Variants in RANBP2 observed in about 807,000 individuals in gnomAD.
RANBP2 encodes E3 SUMO-protein ligase RanBP2.
In RANBP2, 57 loss-of-function variants were observed where a neutral mutation model predicts 303.6. That is an observed-to-expected ratio of 0.19 (90% CI 0.15 to 0.23). The LOEUF is 0.23. RANBP2 is among the 10% of genes least tolerant of loss of function. The pLI is 1.00. For synonymous variants in RANBP2, 1,167 were observed against 1,301.5 expected (o/e 0.90, Z 2.23); for missense variants, 3,138 against 3,780.8 (o/e 0.83, Z 4.46).
chr2:109,678,032 G>A, the RANBP2 span, among the ~76,000 whole-genome samples: 1 of 152,182 alleles, frequency 6.6e-6, no homozygotes. Flanking sequence ...CCGCAGCAGG[G>A]GGGTCGCACC....
the RANBP2 span, among the ~76,000 whole-genome samples, chr2:109,457,583 G>A: frequency 3.7e-4 from 57 of 152,356 alleles, no homozygotes; most frequent in South Asian, 4.1e-4. Context: ...CAAGCGATGC[G>A]TGTGACAGTG....
At chr2:109,529,143 C>T in the RANBP2 span, among the ~76,000 whole-genome samples, 1 of 152,198 alleles carries the variant, frequency 6.6e-6, no homozygotes, top group Non-Finnish European at 1.5e-5. Context: ...GCAGGTGAGT[C>T]CTGCCACTCC....
the RANBP2 span, among the ~76,000 whole-genome samples, chr2:109,402,170 G>A: frequency 2.0e-5 from 3 of 152,216 alleles, no homozygotes; most frequent in East Asian, 1.9e-4. Flanking sequence ...AAGCCCTCCC[G>A]GTCTGCCCCT....
chr2:109,081,776 C>A, the RANBP2 span, among the ~76,000 whole-genome samples: 1 of 152,328 alleles, frequency 6.6e-6, no homozygotes, highest in South Asian at 2.1e-4. Context: ...GCCAGGGAGC[C>A]CTTTTTGCAA....
At chr2:109,624,581 C>T in the RANBP2 span, among the ~76,000 whole-genome samples, 28 of 152,250 alleles carry the variant, frequency 1.8e-4, no homozygotes, top group African/African-American at 6.5e-4. Context: ...GTGGTCTGAT[C>T]GTACCAAGTG....
chr2:108,825,951 C>CA, the RANBP2 span, among the ~76,000 whole-genome samples: 3 of 152,298 alleles, frequency 2.0e-5, no homozygotes, highest in African/African-American at 7.2e-5. Context: ...TTTGTCATCT[C>CA]AGTGAGTATG....
chr2:108,744,391 G>A (rs1270848170), intron 7 of RANBP2, among the ~76,000 whole-genome samples: 1 of 147,572 alleles, frequency 6.8e-6, no homozygotes, highest in Admixed American at 6.7e-5. Flanking sequence ...TGGCGACAGA[G>A]CGAGACTCCA....
chr2:109,134,594 T>C, the RANBP2 span, among the ~76,000 whole-genome samples: 1 of 152,166 alleles, frequency 6.6e-6, no homozygotes, highest in Non-Finnish European at 1.5e-5. Context: ...TACTGCAACT[T>C]GGTGAGGTTG....
chr2:108,764,789 G>A lies in RANBP2; in HGVS notation c.4250G>A (p.Gly1417Asp). 1 of 1,613,998 alleles carries A rather than the reference G, an allele frequency of 6.2e-7. No homozygotes were observed. The highest frequency in any genetic ancestry group is 8.5e-7 in the Non-Finnish European group (1 of 1,179,952). Residue 1417 changes from glycine to aspartate, a missense_variant, in exon 20 of 29, where the codon GGT becomes GAT. Around this residue, in one of 20 missense-constraint regions of RANBP2, gnomAD observed 388 missense variants for 328.5 expected, o/e 1.18. Transcript: ENST00000283195. ...RFALVTPKKEGHWDCSICLVR... is the reference protein window; with the variant it reads ...RFALVTPKKEDHWDCSICLVR... ...GCATTGGTGACTCCAAAGAAAGAAG[G>A]TCACTGGGATTGTAGTATTTGTTTA...
the RANBP2 span, among the ~76,000 whole-genome samples, chr2:108,988,276 T>C: frequency 6.6e-6 from 1 of 152,212 alleles, no homozygotes; most frequent in South Asian, 2.1e-4. Context: ...ATCTCAAAGC[T>C]TGGCTGCTGC....
the RANBP2 span, among the ~76,000 whole-genome samples, chr2:109,485,793 GT>G: frequency 6.6e-6 from 1 of 152,258 alleles, no homozygotes; most frequent in Non-Finnish European, 1.5e-5. Flanking sequence ...TCTGTAACAT[GT>G]CAGTGTTCCG....
chr2:108,772,831 T>C (rs775741389), intron 22 of RANBP2, 37 bp from the exon 23 acceptor site: 1 of 1,603,524 alleles, frequency 6.2e-7, no homozygotes, highest in South Asian at 1.1e-5. Flanking sequence ...TTGGGCTTCA[T>C]CTAATTTCGT....
chr2:108,945,047 A>G, the RANBP2 span, among the ~76,000 whole-genome samples: 3 of 152,126 alleles, frequency 2.0e-5, no homozygotes, highest in Admixed American at 6.5e-5. Context: ...TCTGGCTTGC[A>G]TTGTACAGTC....
chr2:109,430,112 C>T, the RANBP2 span, among the ~76,000 whole-genome samples: 9,968 of 152,236 alleles, frequency 0.065, 413 homozygotes, highest in South Asian at 0.1. Context: ...GATGAGCCCC[C>T]CACTCCAGAG....
At chr2:109,615,568 T>C in the RANBP2 span, 1 of 1,613,976 alleles carries the variant, frequency 6.2e-7, no homozygotes, top group Non-Finnish European at 8.5e-7. Context: ...GTGAAGCTGC[T>C]GGTGGGGGCC....
chr2:109,701,911 C>T, the RANBP2 span, among the ~76,000 whole-genome samples: 13 of 152,202 alleles, frequency 8.5e-5, no homozygotes, highest in Non-Finnish European at 1.5e-5. Flanking sequence ...ATTCTTTTGT[C>T]TCCTTAGTGA....
At chr2:108,961,801 C>T in the RANBP2 span, among the ~76,000 whole-genome samples, 1 of 152,080 alleles carries the variant, frequency 6.6e-6, no homozygotes, top group Non-Finnish European at 1.5e-5. Flanking sequence ...GCTGCTCTCT[C>T]GTGACCTGAG....
the RANBP2 span, among the ~76,000 whole-genome samples, chr2:109,191,228 G>A: frequency 6.6e-6 from 1 of 152,154 alleles, no homozygotes; most frequent in African/African-American, 2.4e-5. Flanking sequence ...TAGGACATGT[G>A]CTTAAAAAAG....
chr2:109,333,691 A>G, the RANBP2 span, among the ~76,000 whole-genome samples: 4 of 152,196 alleles, frequency 2.6e-5, no homozygotes, highest in Admixed American at 6.5e-5. Flanking sequence ...AGAAGATAAG[A>G]GCACAAATTC....
Sources: gnomAD v4.1 joint callset for allele counts (sites outside exome capture counted in the v4.1 genomes callset) on GRCh38, gnomAD v4.1.1 for gene constraint, gnomAD v4.1.1 regional missense constraint, MANE v1.5 for transcripts, NCBI Gene and HGNC (gene_info 2026-07-23, HGNC 2026-07-21) for gene names.